NAALADL2: variants seen among roughly 807,000 people sequenced by gnomAD.
The protein encoded by NAALADL2 is N-acetylated alpha-linked acidic dipeptidase like 2, also known as inactive N-acetylated-alpha-linked acidic dipeptidase-like protein 2.
Under a neutral mutation model 87.2 loss-of-function variants are expected in NAALADL2, and 76 were observed. The ratio of observed to expected loss-of-function variants is 0.87; its 90% CI spans 0.72 to 1.05. The LOEUF is 1.05. NAALADL2 is among the 50% of genes least tolerant of loss of function. The pLI, the probability that NAALADL2 is intolerant of heterozygous loss-of-function variation, is 0.00. For synonymous variants in NAALADL2, 354 were observed against 331.0 expected (o/e 1.07, Z -0.75); for missense variants, 1,089 against 945.8 (o/e 1.15, Z -1.99).
At chr3:175,089,852 C>T (rs934042839) in intron 1 of NAALADL2, among the ~76,000 whole-genome samples, 1 of 152,280 alleles carries the variant, frequency 6.6e-6, no homozygotes, top group Admixed American at 6.5e-5. Context: ...CTCAAGAAGA[C>T]CCTGTAGACA....
intron 2 of NAALADL2, among the ~76,000 whole-genome samples, chr3:174,736,775 CT>C (rs1733250520): frequency 6.6e-6 from 1 of 152,206 alleles, no homozygotes; most frequent in Non-Finnish European, 1.5e-5. Context: ...GGGGAGCCGT[CT>C]CTTTCCACCT....
chr3:175,307,671 A>G (rs1581351881), intron 4 of NAALADL2, among the ~76,000 whole-genome samples: 2 of 152,184 alleles, frequency 1.3e-5, no homozygotes, highest in South Asian at 4.1e-4. Flanking sequence ...CCTTGTTTCC[A>G]GGGAATTGCA....
At chr3:175,224,716 T>G (rs1222778466) in intron 2 of NAALADL2, among the ~76,000 whole-genome samples, 1 of 152,182 alleles carries the variant, frequency 6.6e-6, no homozygotes. Flanking sequence ...AGCTTATTTC[T>G]GGTCTAGCAA....
chr3:174,826,735 T>C (rs556531606), intron 3 of NAALADL2, among the ~76,000 whole-genome samples: 1 of 152,330 alleles, frequency 6.6e-6, no homozygotes, highest in South Asian at 2.1e-4. Flanking sequence ...GTTTTATGGT[T>C]TATTTTTGTT....
intron 2 of NAALADL2, among the ~76,000 whole-genome samples, chr3:174,616,419 T>C (rs1243360812): frequency 6.6e-6 from 1 of 152,012 alleles, no homozygotes; most frequent in African/African-American, 2.4e-5. Context: ...ACTTTTTTGA[T>C]ACAGGCTCTG....
chr3:175,127,302 G>A (rs1188950210), intron 2 of NAALADL2, among the ~76,000 whole-genome samples: 2 of 152,164 alleles, frequency 1.3e-5, no homozygotes, highest in African/African-American at 4.8e-5. Context: ...TACCTTGGAT[G>A]ATTAGAATTG....
At chr3:174,505,886 A>C (rs569922116) in intron 1 of NAALADL2, among the ~76,000 whole-genome samples, 1 of 152,220 alleles carries the variant, frequency 6.6e-6, no homozygotes, top group East Asian at 1.9e-4. Flanking sequence ...TTTAGATAAT[A>C]TAGACAACTA....
intron 2 of NAALADL2, among the ~76,000 whole-genome samples, chr3:174,659,172 A>G (rs73882475): frequency 0.015 from 2,315 of 152,300 alleles, 59 homozygotes; most frequent in African/African-American, 0.053. Flanking sequence ...ATGCAAATAT[A>G]TGACACTTTA....
intron 4 of NAALADL2, among the ~76,000 whole-genome samples, chr3:175,270,446 CAGCCAGGGAGACAT>C (rs1285911238): frequency 6.6e-6 from 1 of 152,178 alleles, no homozygotes; most frequent in Non-Finnish European, 1.5e-5. Context: ...AGATTACTGA[CAGCCAGGGAGACAT>C]AGCCTCAGGC....
intron 9 of NAALADL2, among the ~76,000 whole-genome samples, chr3:175,520,409 C>T (rs1732475724): frequency 6.6e-6 from 1 of 151,302 alleles, no homozygotes; most frequent in Non-Finnish European, 1.5e-5. Context: ...CGCCATTCTC[C>T]TGCCTCAGCC....
At chr3:174,667,184 AC>A (rs1388226503) in intron 2 of NAALADL2, among the ~76,000 whole-genome samples, 3 of 152,180 alleles carry the variant, frequency 2.0e-5, no homozygotes, top group African/African-American at 7.2e-5. Flanking sequence ...TTGTATGCAT[AC>A]CCAGAAGTAA....
intron 1 of NAALADL2, among the ~76,000 whole-genome samples, chr3:174,909,729 C>T (rs1004521707): frequency 2.6e-5 from 4 of 152,090 alleles, no homozygotes; most frequent in South Asian, 2.1e-4. Flanking sequence ...ATGTATAAAA[C>T]GAACTCTAAA....
At chr3:174,854,557 T>A (rs1725635301), upstream of NAALADL2, among the ~76,000 whole-genome samples, 2 of 152,104 alleles carry the variant, frequency 1.3e-5, no homozygotes, top group African/African-American at 4.8e-5. Flanking sequence ...AACACAAAAA[T>A]TATGAATACT....
At chr3:174,734,774 AC>A (rs1182394073) in intron 2 of NAALADL2, among the ~76,000 whole-genome samples, 3 of 152,208 alleles carry the variant, frequency 2.0e-5, no homozygotes, top group African/African-American at 7.2e-5. Context: ...TACCTTAAGC[AC>A]CTTTTTCTCT....
chr3:175,749,917 G>A (rs977029328), intron 12 of NAALADL2, among the ~76,000 whole-genome samples: 4 of 152,282 alleles, frequency 2.6e-5, no homozygotes, highest in East Asian at 1.9e-4. Flanking sequence ...GTTGGAAGGT[G>A]TTTTAGGATC....
intron 3 of NAALADL2, among the ~76,000 whole-genome samples, chr3:174,810,868 A>C (rs35045984): frequency 0.18 from 27,732 of 152,112 alleles, 2,815 homozygotes; most frequent in East Asian, 0.35. Flanking sequence ...GAGGCCTAAG[A>C]GGAAAGAATA....
chr3:175,284,206 T>G (rs1487802986), intron 4 of NAALADL2, among the ~76,000 whole-genome samples: 1 of 149,402 alleles, frequency 6.7e-6, no homozygotes, highest in Non-Finnish European at 1.5e-5. Flanking sequence ...TTTTCTGTCT[T>G]GCTTTAAATG....
At chr3:175,288,189 C>T (rs1393358441) in intron 4 of NAALADL2, among the ~76,000 whole-genome samples, 1 of 152,114 alleles carries the variant, frequency 6.6e-6, no homozygotes, top group Non-Finnish European at 1.5e-5. Context: ...TCAAGCAATT[C>T]TCCTCCCTCA....
At chr3:175,539,448 T>C (rs930252032) in intron 9 of NAALADL2, among the ~76,000 whole-genome samples, 2 of 152,206 alleles carry the variant, frequency 1.3e-5, no homozygotes, top group African/African-American at 4.8e-5. Flanking sequence ...TACAACATTG[T>C]GTAAACAAAT....
Sources: gnomAD v4.1 joint callset for allele counts (sites outside exome capture counted in the v4.1 genomes callset) on GRCh38, gnomAD v4.1.1 for gene constraint, MANE v1.5 for transcripts, NCBI Gene and HGNC (gene_info 2026-07-23, HGNC 2026-07-21) for gene names.